Variants in MAP3K5 observed in about 807,000 individuals in gnomAD.
The protein encoded by MAP3K5 is mitogen-activated protein kinase kinase kinase 5.
A neutral mutation model predicts 158.7 loss-of-function variants in MAP3K5; 56 were observed. That is an observed-to-expected ratio of 0.35 (90% confidence interval 0.28 to 0.44). The LOEUF (loss-of-function observed/expected upper bound fraction) is 0.44, where lower values mean the gene tolerates loss of function less well. Ranked by LOEUF, MAP3K5 falls within the 20% of genes least tolerant of loss-of-function variation. The pLI is 1.00. For missense variants in MAP3K5, 1,294 were observed against 1,674.8 expected (o/e 0.77, Z 3.97); for synonymous variants, 579 against 601.7 (o/e 0.96, Z 0.55).
rs932016914 is a variant in MAP3K5 at position 136,723,826 on chromosome 6, T to A, written c.449-3237A>T. On this transcript the variant is annotated intron_variant, in intron 1 of 29. Coordinates refer to ENST00000359015, the MANE Select transcript of MAP3K5 (RefSeq NM_005923.4). The stretch of plus-strand genomic sequence containing the variant: ...GACAGGTCAAAGGAGCTTCAGAAGT[T>A]TTTTTTCCCCCCTCAAGGCTAAAAA... Among the ~76,000 whole-genome samples, 10 of 151,776 alleles carry A rather than the reference T, an allele frequency of 6.6e-5. No homozygotes were observed. The East Asian group carries it at 1.7e-3, about 26-fold the overall frequency.
chr6:136,612,042 A>C (rs1776368308), intron 17 of MAP3K5, among the ~76,000 whole-genome samples: 1 of 152,114 alleles, frequency 6.6e-6, no homozygotes, highest in African/African-American at 2.4e-5. Flanking sequence ...TGTGGCCCCT[A>C]CCCAGAAGTG....
intron 23 of MAP3K5, among the ~76,000 whole-genome samples, chr6:136,589,022 A>G (rs542535528): frequency 4.6e-5 from 7 of 152,278 alleles, no homozygotes; most frequent in East Asian, 1.9e-4. Context: ...AGCTCCTTCT[A>G]TGAGATCTAA....
rs1050637144 is a variant in MAP3K5 at position 136,791,682 on chromosome 6, C to A, written c.448+28G>T. 3.7e-6 allele frequency: 6 copies of A among 1,609,842 alleles called. No homozygotes were observed. In the African/African-American group the frequency reaches 6.7e-5, roughly 18 times the overall value. ...AGATTAAACGCGGGTCCCGACCGCGCGGGATGGGAAAGGGGTCACACACGC... is the reference window on the plus strand; with the variant it reads ...AGATTAAACGCGGGTCCCGACCGCGAGGGATGGGAAAGGGGTCACACACGC... On this transcript the variant is annotated intron_variant, in intron 1 of 29. Transcript: ENST00000359015.
intron 24 of MAP3K5, among the ~76,000 whole-genome samples, chr6:136,581,184 G>A (rs1431665173): frequency 2.0e-5 from 3 of 152,152 alleles, no homozygotes; most frequent in African/African-American, 7.2e-5. Context: ...TTTTACTACT[G>A]TAGGTACCTT....
intron 28 of MAP3K5, among the ~76,000 whole-genome samples, chr6:136,561,013 T>C (rs1830487073): frequency 6.7e-6 from 1 of 148,406 alleles, no homozygotes; most frequent in Admixed American, 6.6e-5. Flanking sequence ...ATACAAAGAA[T>C]TAGAAACAAG....
intron 2 of MAP3K5, among the ~76,000 whole-genome samples, chr6:136,718,556 A>T (rs919892893): frequency 6.6e-6 from 1 of 152,210 alleles, no homozygotes; most frequent in Non-Finnish European, 1.5e-5. Flanking sequence ...TGAATACTCA[A>T]TAAGAAGCAG....
At chr6:136,668,224 A>AT (rs1779312674) in intron 8 of MAP3K5, among the ~76,000 whole-genome samples, 1 of 151,934 alleles carries the variant, frequency 6.6e-6, no homozygotes, top group South Asian at 2.1e-4. Context: ...TATAAAAAAA[A>AT]ATTTTTTTAA....
Position 136,613,041 on chromosome 6 carries a change from A to G in MAP3K5, c.2415+79T>C, listed in dbSNP as rs1776411500. The G allele has an allele frequency of 1.6e-5, 21 of 1,344,212 alleles. No homozygotes were observed. The highest frequency in any genetic ancestry group is 2.0e-5 in the Non-Finnish European group (20 of 987,018). 83.3% of individuals were successfully genotyped at this position (1,344,212 alleles called of 1,614,324 possible). A position where few individuals can be genotyped will look rare whatever the true frequency, so the allele number is the denominator to read the frequency against. ...TTCACCATTCTAAATTAATACTCAT[A>G]ACACAATATGACTTTTGCAAGTAAA... On this transcript the variant is annotated intron_variant, in intron 17 of 29. Transcript: ENST00000359015. The surrounding 1 kb of genome is among the most constrained non-coding windows in gnomAD (Gnocchi z 4.0).
At position 136,659,201 on chromosome 6, in the gene MAP3K5, A is replaced by G. The variant is rs1562587942; in HGVS notation, c.1526+18T>C. The G allele has an allele frequency of 6.2e-7, 1 of 1,600,968 alleles. No individual in the cohort carries two copies. Reference sequence around the variant, plus strand: ...AGCTGTTTATTAATTGTATCAACATATAATAGCTAATTATTACCATGCTGG... The same window carrying G: ...AGCTGTTTATTAATTGTATCAACATGTAATAGCTAATTATTACCATGCTGG... On this transcript the variant is annotated intron_variant, in intron 9 of 29. Transcript: ENST00000359015.
intron 14 of MAP3K5, among the ~76,000 whole-genome samples, chr6:136,632,347 T>G (rs1777408981): frequency 6.6e-6 from 1 of 151,820 alleles, no homozygotes; most frequent in South Asian, 2.1e-4. Context: ...ATGGTGAAAC[T>G]CCATACTAAA....
intron 23 of MAP3K5, among the ~76,000 whole-genome samples, chr6:136,587,231 T>A (rs1219268842): frequency 6.6e-6 from 1 of 152,192 alleles, no homozygotes; most frequent in Admixed American, 6.5e-5. Flanking sequence ...TTATAAAGTG[T>A]AGGCTTAAAT....
intron 1 of MAP3K5, among the ~76,000 whole-genome samples, chr6:136,738,552 A>T (rs922797912): frequency 6.6e-6 from 1 of 152,242 alleles, no homozygotes; most frequent in African/African-American, 2.4e-5. Flanking sequence ...GAGTCCACAG[A>T]TCATCACCAC....
intron 1 of MAP3K5, among the ~76,000 whole-genome samples, chr6:136,751,662 T>A (rs1292109659): frequency 1.3e-5 from 2 of 152,254 alleles, no homozygotes; most frequent in Non-Finnish European, 2.9e-5. Flanking sequence ...TGAAGACTGC[T>A]TAAGAGGAAG....
chr6:136,601,224 T>TC (rs1283196113), intron 20 of MAP3K5, among the ~76,000 whole-genome samples, 182 bp from the exon 21 acceptor site: 1 of 152,080 alleles, frequency 6.6e-6, no homozygotes, highest in African/African-American at 2.4e-5. Flanking sequence ...CTTTACTTTT[T>TC]TTTCTGAGTT....
At chr6:136,572,422 C>G (rs1774412147) in intron 25 of MAP3K5, among the ~76,000 whole-genome samples, 1 of 152,096 alleles carries the variant, frequency 6.6e-6, no homozygotes, top group Non-Finnish European at 1.5e-5. Flanking sequence ...CCATGCCTGG[C>G]TAATTTTGTA....
intron 10 of MAP3K5, among the ~76,000 whole-genome samples, chr6:136,654,697 C>T (rs1188362544): frequency 6.6e-6 from 1 of 152,142 alleles, no homozygotes; most frequent in Non-Finnish European, 1.5e-5. Context: ...CCGCCCACCT[C>T]GGTCTCCCAA....
intron 7 of MAP3K5, among the ~76,000 whole-genome samples, chr6:136,683,267 T>C (rs1291907445): frequency 1.3e-5 from 2 of 152,222 alleles, no homozygotes; most frequent in African/African-American, 2.4e-5. Flanking sequence ...ACTAGAAGCA[T>C]GAAGGCATAA....
chr6:136,704,754 C>A (rs1300945027), intron 3 of MAP3K5, among the ~76,000 whole-genome samples: 5 of 152,090 alleles, frequency 3.3e-5, no homozygotes. Context: ...CCATGTTGCC[C>A]AGGCTGTTCT....
chr6:136,727,289 A>T (rs1474674979), intron 1 of MAP3K5, among the ~76,000 whole-genome samples: 1 of 152,246 alleles, frequency 6.6e-6, no homozygotes, highest in Non-Finnish European at 1.5e-5. Context: ...TTCAGTACTT[A>T]CTATGTGTCA....
Sources: allele counts gnomAD v4.1 joint callset (sites outside exome capture counted in the v4.1 genomes callset), GRCh38; gene constraint gnomAD v4.1.1; non-coding constraint Gnocchi (gnomAD v3.1); transcripts MANE v1.5; gene names NCBI Gene and HGNC (gene_info 2026-07-23, HGNC 2026-07-21).